The following VPS13B variants were observed in gnomAD, a reference collection of about 807,000 sequenced individuals.
VPS13B encodes the protein intermembrane lipid transfer protein VPS13B.
In VPS13B, 285 loss-of-function variants were observed where a neutral mutation model predicts 426.4. The ratio of observed to expected loss-of-function variants is 0.67; its 90% CI spans 0.61 to 0.74. The LOEUF (loss-of-function observed/expected upper bound fraction) is 0.74. Among genes scored for constraint, VPS13B ranks in the 30% least tolerant of loss-of-function variants. The pLI is 0.00. For synonymous variants in VPS13B, 1,676 were observed against 1,676.4 expected (o/e 1.00, Z 0.01); for missense variants, 4,537 against 4,782.6 (o/e 0.95, Z 1.51).
chr8:99,669,959 A>G (rs1830639934), intron 35 of VPS13B, among the ~76,000 whole-genome samples: 1 of 152,130 alleles, frequency 6.6e-6, no homozygotes, highest in African/African-American at 2.4e-5. Flanking sequence ...ATTTGAATGA[A>G]TATTTGTACT....
In VPS13B at chr8:99,352,400, G is replaced by A. The variant is rs145854001; in HGVS notation, c.2825-31808G>A. 2.8e-4 allele frequency among the ~76,000 whole-genome samples: 43 copies of A among 152,176 alleles called. 1 individual carries two copies. The East Asian group carries it at 8.1e-3, about 29-fold the overall frequency. On this transcript the variant is annotated intron_variant, in intron 19 of 61. Coordinates refer to ENST00000357162, the MANE Select transcript of VPS13B (RefSeq NM_152564.5). ...TTTTTTTCTGCAGCCATCTTACACA[G>A]CATGGTGATCTCTTATGTCATAAAT...
intron 55 of VPS13B, 84 bp from the exon 56 acceptor site, chr8:99,853,367 A>G (rs1439273706): frequency 9.9e-6 from 14 of 1,412,932 alleles, no homozygotes; most frequent in Non-Finnish European, 1.4e-5. Flanking sequence ...GAGGTATTTA[A>G]TAGGGTACTG....
intron 28 of VPS13B, among the ~76,000 whole-genome samples, chr8:99,507,424 A>T (rs187439454): frequency 6.6e-6 from 1 of 152,316 alleles, no homozygotes; most frequent in East Asian, 1.9e-4. Context: ...TAAATTTATC[A>T]AAGAGGCAAA....
At chr8:99,746,881 C>T (rs1366155356) in intron 39 of VPS13B, among the ~76,000 whole-genome samples, 4 of 152,014 alleles carry the variant, frequency 2.6e-5, no homozygotes, top group Non-Finnish European at 5.9e-5. Context: ...ACCATTGGAG[C>T]CTAGCAAATA....
intron 33 of VPS13B, among the ~76,000 whole-genome samples, chr8:99,618,208 C>A (rs1268469459): frequency 1.3e-5 from 2 of 151,384 alleles, no homozygotes; most frequent in African/African-American, 4.9e-5. Context: ...TGATAAAAAG[C>A]CTTGATACCA....
chr8:99,645,852 C>G (rs1829556142), intron 34 of VPS13B, among the ~76,000 whole-genome samples: 1 of 152,138 alleles, frequency 6.6e-6, no homozygotes, highest in African/African-American at 2.4e-5. Context: ...ATTTGGCTAT[C>G]CAGAAACACT....
At chr8:99,465,774 C>G (rs1819081440) in intron 23 of VPS13B, among the ~76,000 whole-genome samples, 1 of 151,784 alleles carries the variant, frequency 6.6e-6, no homozygotes, top group African/African-American at 2.4e-5. Flanking sequence ...GTCATTCTTC[C>G]TAGGGGGAAA....
intron 33 of VPS13B, among the ~76,000 whole-genome samples, chr8:99,601,628 T>C (rs575753565): frequency 6.6e-6 from 1 of 152,268 alleles, no homozygotes; most frequent in South Asian, 2.1e-4. Context: ...AGTGTAAAAT[T>C]GTTTCTATTT....
intron 54 of VPS13B, among the ~76,000 whole-genome samples, chr8:99,846,678 G>GT (rs1187859723): frequency 6.6e-6 from 1 of 152,176 alleles, no homozygotes; most frequent in East Asian, 1.9e-4. Flanking sequence ...CAGAGTCTAG[G>GT]TTTTTTGCCA....
chr8:99,048,346 G>C (rs1351384432), intron 3 of VPS13B, among the ~76,000 whole-genome samples: 1 of 152,172 alleles, frequency 6.6e-6, no homozygotes, highest in Non-Finnish European at 1.5e-5. Flanking sequence ...AGAATGTTCT[G>C]TAAATATCTG....
At chr8:99,770,314 G>A (rs1361216186) in intron 40 of VPS13B, among the ~76,000 whole-genome samples, 1 of 146,072 alleles carries the variant, frequency 6.8e-6, no homozygotes, top group African/African-American at 2.5e-5. Flanking sequence ...GCTGTGCACT[G>A]GACTAGAGGC....
chr8:99,154,214 A>G lies in VPS13B; in HGVS notation c.2014-2335A>G, dbSNP rs1162083377. On this transcript the variant is annotated intron_variant, in intron 14 of 61. Transcript: ENST00000357162. ...TGTTCTCTGAGTTTCCTGGGTTTCT[A>G]ATTTGGTGTCTGACATTAATTTGAG... Among the ~76,000 whole-genome samples, 6 of 141,604 alleles carry G rather than the reference A, an allele frequency of 4.2e-5. No individual in the cohort carries two copies. In the East Asian group the frequency reaches 1.2e-3, roughly 29 times the overall value. 92.9% of individuals were successfully genotyped at this position (141,604 alleles called of 152,430 possible).
At chr8:99,802,376 C>T (rs1162937115) in intron 43 of VPS13B, among the ~76,000 whole-genome samples, 1 of 152,068 alleles carries the variant, frequency 6.6e-6, no homozygotes, top group Non-Finnish European at 1.5e-5. Context: ...GGAGGTTGAA[C>T]TTGAATTTTT....
intron 3 of VPS13B, among the ~76,000 whole-genome samples, chr8:99,063,713 G>C (rs1458647338): frequency 6.6e-6 from 1 of 152,234 alleles, no homozygotes; most frequent in Non-Finnish European, 1.5e-5. Context: ...TCTGAAGAGA[G>C]GAGTGGTTTT....
chr8:99,664,066 G>C (rs1830352172), intron 35 of VPS13B, among the ~76,000 whole-genome samples: 2 of 150,814 alleles, frequency 1.3e-5, no homozygotes, highest in African/African-American at 2.4e-5. Flanking sequence ...GAGTGCAGTG[G>C]TGTGATCTTG....
At chr8:99,544,609 A>G (rs1266163631) in intron 30 of VPS13B, among the ~76,000 whole-genome samples, 3 of 152,144 alleles carry the variant, frequency 2.0e-5, no homozygotes, top group Non-Finnish European at 2.9e-5. Context: ...AAAGAATTCT[A>G]CCTACCGCTT....
At chr8:99,551,949 C>G (rs1322468005) in intron 30 of VPS13B, among the ~76,000 whole-genome samples, 1 of 151,916 alleles carries the variant, frequency 6.6e-6, no homozygotes, top group Non-Finnish European at 1.5e-5. Context: ...GACATTATCT[C>G]TTCAAATATT....
chr8:99,783,149 G>A (rs1051934970), intron 42 of VPS13B, among the ~76,000 whole-genome samples: 1 of 152,110 alleles, frequency 6.6e-6, no homozygotes, highest in African/African-American at 2.4e-5. Context: ...GGCCCAGGCT[G>A]GATTCCAAGT....
intron 44 of VPS13B, 83 bp from the exon 45 acceptor site, chr8:99,817,457 A>G (rs1814109508): frequency 6.5e-7 from 1 of 1,530,452 alleles, no homozygotes; most frequent in African/African-American, 1.4e-5. Flanking sequence ...ACATCAACAT[A>G]GTTTACTCTG....
Sources: gnomAD v4.1 joint callset for allele counts (sites outside exome capture counted in the v4.1 genomes callset) on GRCh38, gnomAD v4.1.1 for gene constraint, MANE v1.5 for transcripts, NCBI Gene and HGNC (gene_info 2026-07-23, HGNC 2026-07-21) for gene names.